KCTD16: variants seen among roughly 807,000 people sequenced by gnomAD.
The protein encoded by KCTD16 is BTB/POZ domain-containing protein KCTD16.
A neutral mutation model predicts 33.2 loss-of-function variants in KCTD16; 13 were observed. The observed-to-expected ratio is 0.39, with a 90% CI of 0.25 to 0.62. The LOEUF (loss-of-function observed/expected upper bound fraction) is 0.62, where lower values mean the gene tolerates loss of function less well. Ranked by LOEUF, KCTD16 falls within the 20% of genes least tolerant of loss-of-function variation. The pLI is 0.50. For missense variants in KCTD16, 441 were observed against 525.1 expected (o/e 0.84, Z 1.57); for synonymous variants, 197 against 195.3 (o/e 1.01, Z -0.07).
intron 2 of KCTD16, among the ~76,000 whole-genome samples, chr5:144,202,799 G>A (rs1453059120): frequency 6.6e-6 from 1 of 152,190 alleles, no homozygotes. Flanking sequence ...AATGTTTCAG[G>A]TGGTATGATC....
Position 144,388,065 on chromosome 5 carries a change from G to GTTTTTTTTTTTTTTTTTTT in KCTD16, c.833-85583_833-85565dup, listed in dbSNP as rs397999492. Among the ~76,000 whole-genome samples the GTTTTTTTTTTTTTTTTTTT allele has an allele frequency of 1.4e-4, 10 of 73,662 alleles. 3 individuals carry two copies. Among genetic ancestry groups the GTTTTTTTTTTTTTTTTTTT allele is most frequent in the African/African-American group, 6.2e-4 (10 of 16,102 alleles). The allele number at this position is 73,662 out of a possible 152,430, so 48.3% of individuals were successfully genotyped here. ...AATCCAGAGTTCAATTTTAGAGCAA[G>GTTTTTTTTTTTTTTTTTTT]TTTTTTTTTTTTTTTTTTTTTTTTT... On this transcript the variant is annotated intron_variant, in intron 3 of 3. Coordinates refer to ENST00000512467, the MANE Select transcript of KCTD16 (RefSeq NM_020768.4).
intron 3 of KCTD16, among the ~76,000 whole-genome samples, chr5:144,275,702 T>A (rs997002501): frequency 1.3e-5 from 2 of 152,212 alleles, no homozygotes; most frequent in Non-Finnish European, 2.9e-5. Flanking sequence ...TTGGGAACAC[T>A]GAACGGCGAG....
intron 3 of KCTD16, among the ~76,000 whole-genome samples, chr5:144,245,713 C>A (rs896384003): frequency 6.6e-6 from 1 of 152,124 alleles, no homozygotes; most frequent in Admixed American, 6.5e-5. Context: ...ATAGTGAGTT[C>A]TCATGACATC....
In KCTD16 at chr5:144,234,026, C is replaced by T. The variant is rs779278806; in HGVS notation, c.832+26480C>T. Among the ~76,000 whole-genome samples the T allele has an allele frequency of 2.0e-5, 3 of 152,024 alleles. 1 individual carries two copies. Among genetic ancestry groups the T allele is most frequent in the South Asian group, 4.1e-4 (2 of 4,828 alleles). On this transcript the variant is annotated intron_variant, in intron 3 of 3. Transcript: ENST00000512467. Reference sequence around the variant, plus strand: ...TTTCTGCTTAGAAAAAAGAATGAACCGCAGGAAGAGATGATCCATTGTGAA... The same window carrying T: ...TTTCTGCTTAGAAAAAAGAATGAACTGCAGGAAGAGATGATCCATTGTGAA...
At chr5:144,405,127 C>A (rs1181554307) in intron 3 of KCTD16, among the ~76,000 whole-genome samples, 2 of 152,174 alleles carry the variant, frequency 1.3e-5, no homozygotes, top group African/African-American at 4.8e-5. Flanking sequence ...AGGATCACAG[C>A]TATGAAAGCC....
At chr5:144,459,824 CTTTTTTTTTTT>C (rs70995051) in intron 3 of KCTD16, among the ~76,000 whole-genome samples, 1 of 66,770 alleles carries the variant, frequency 1.5e-5, no homozygotes, top group Non-Finnish European at 2.6e-5. Flanking sequence ...CCAATATCAT[CTTTTTTTTTTT>C]TTTTTTTTTT....
At chr5:144,420,083 T>TGATA in intron 3 of KCTD16, among the ~76,000 whole-genome samples, 1 of 152,180 alleles carries the variant, frequency 6.6e-6, no homozygotes, top group East Asian at 1.9e-4. Context: ...TCAATGCTGG[T>TGATA]GATACAGCAG....
intron 3 of KCTD16, among the ~76,000 whole-genome samples, chr5:144,395,005 C>A (rs1752533924): frequency 1.3e-5 from 2 of 152,152 alleles, no homozygotes; most frequent in African/African-American, 4.8e-5. Context: ...AAAGCCTGGT[C>A]CTGGATCAGA....
intron 3 of KCTD16, among the ~76,000 whole-genome samples, chr5:144,250,995 G>A (rs1374956241): frequency 2.0e-5 from 3 of 151,878 alleles, no homozygotes; most frequent in Non-Finnish European, 4.4e-5. Context: ...TCCTGCTCTC[G>A]ATAAGTAGCC....
chr5:144,418,255 A>G (rs1485558835), intron 3 of KCTD16, among the ~76,000 whole-genome samples: 3 of 152,182 alleles, frequency 2.0e-5, no homozygotes, highest in African/African-American at 7.2e-5. Context: ...CAAGGCTTCC[A>G]CAGCGTGGAA....
chr5:144,190,443 C>G (rs1752818694), intron 2 of KCTD16, among the ~76,000 whole-genome samples: 1 of 152,170 alleles, frequency 6.6e-6, no homozygotes, highest in East Asian at 1.9e-4. Flanking sequence ...CTATAAGTGT[C>G]ACACTAACAA....
intron 3 of KCTD16, among the ~76,000 whole-genome samples, chr5:144,323,445 C>A (rs558291895): frequency 6.2e-4 from 95 of 152,162 alleles, no homozygotes; most frequent in Admixed American, 1.7e-3. Flanking sequence ...GATCATGATA[C>A]AAATCTAAAT....
intron 3 of KCTD16, among the ~76,000 whole-genome samples, chr5:144,465,851 G>C (rs1402597380): frequency 2.2e-5 from 3 of 136,310 alleles, no homozygotes; most frequent in Non-Finnish European, 3.0e-5. Flanking sequence ...ATAAACTATA[G>C]ATTGTTGTAG....
At chr5:144,282,401 A>G (rs1755631029) in intron 3 of KCTD16, among the ~76,000 whole-genome samples, 1 of 151,748 alleles carries the variant, frequency 6.6e-6, no homozygotes, top group Non-Finnish European at 1.5e-5. Flanking sequence ...TACATTCTTT[A>G]TTATATCCTT....
intron 3 of KCTD16, among the ~76,000 whole-genome samples, chr5:144,269,470 A>T (rs2126845650): frequency 6.6e-6 from 1 of 152,256 alleles, no homozygotes; most frequent in South Asian, 2.1e-4. Flanking sequence ...AAAAATCAAC[A>T]AATAATCCTA....
At chr5:144,232,304 C>T (rs1437841858) in intron 3 of KCTD16, among the ~76,000 whole-genome samples, 1 of 152,178 alleles carries the variant, frequency 6.6e-6, no homozygotes, top group Admixed American at 6.5e-5. Context: ...AGATATTCTC[C>T]TAATGATGCT....
chr5:144,346,578 T>C (rs151066688), intron 3 of KCTD16, among the ~76,000 whole-genome samples: 1 of 152,318 alleles, frequency 6.6e-6, no homozygotes, highest in East Asian at 1.9e-4. Context: ...TAATATCTCA[T>C]TGCAGTTTTG....
At chr5:144,404,169 A>C (rs1752763574) in intron 3 of KCTD16, among the ~76,000 whole-genome samples, 1 of 152,208 alleles carries the variant, frequency 6.6e-6, no homozygotes, top group African/African-American at 2.4e-5. Flanking sequence ...GAAAAAGAGT[A>C]AGAGGATGGA....
chr5:144,410,667 C>A (rs987421739), intron 3 of KCTD16, among the ~76,000 whole-genome samples: 1 of 152,286 alleles, frequency 6.6e-6, no homozygotes, highest in Admixed American at 6.5e-5. Context: ...GTGTCAAGTT[C>A]CTCAAGTTCT....
Sources: allele counts gnomAD v4.1 joint callset (sites outside exome capture counted in the v4.1 genomes callset), GRCh38; gene constraint gnomAD v4.1.1; transcripts MANE v1.5; gene names NCBI Gene and HGNC (gene_info 2026-07-23, HGNC 2026-07-21).